The following NRXN3 variants were observed in gnomAD, a reference collection of about 807,000 sequenced individuals.
NRXN3 encodes neurexin 3.
A neutral mutation model predicts 137.6 loss-of-function variants in NRXN3; 32 were observed. The observed-to-expected ratio is 0.23, with a 90% CI of 0.18 to 0.31. The LOEUF (loss-of-function observed/expected upper bound fraction) is 0.31. Ranked by LOEUF, NRXN3 falls within the 10% of genes least tolerant of loss-of-function variation. The pLI, the probability that NRXN3 is intolerant of heterozygous loss-of-function variation, is 1.00. For missense variants in NRXN3, 1,574 were observed against 2,062.5 expected (o/e 0.76, Z 4.59); for synonymous variants, 798 against 784.5 (o/e 1.02, Z -0.29).
At chr14:79,340,663 C>A (rs1260004539) in intron 15 of NRXN3, among the ~76,000 whole-genome samples, 4 of 152,112 alleles carry the variant, frequency 2.6e-5, no homozygotes, top group Non-Finnish European at 5.9e-5. Flanking sequence ...CAGGTTTCTC[C>A]ATGTTTGTCA....
At chr14:79,519,523 A>G (rs115679918) in intron 16 of NRXN3, among the ~76,000 whole-genome samples, 1,870 of 152,106 alleles carry the variant, frequency 0.012, 32 homozygotes, top group African/African-American at 0.043. Context: ...TCTCCTGTCA[A>G]TATAAATATG....
At chr14:79,769,919 A>T (rs1170904941) in intron 19 of NRXN3, among the ~76,000 whole-genome samples, 1 of 152,182 alleles carries the variant, frequency 6.6e-6, no homozygotes, top group East Asian at 1.9e-4. Flanking sequence ...AAATAAAAGG[A>T]TGGAGGAAGA....
intron 4 of NRXN3, among the ~76,000 whole-genome samples, chr14:78,395,553 G>C (rs192148582): frequency 6.6e-6 from 1 of 151,924 alleles, no homozygotes; most frequent in African/African-American, 2.4e-5. Flanking sequence ...GTGTTACTGG[G>C]TTCTATCTCT....
At chr14:79,581,915 C>T (rs1333020912) in intron 16 of NRXN3, among the ~76,000 whole-genome samples, 1 of 152,142 alleles carries the variant, frequency 6.6e-6, no homozygotes, top group African/African-American at 2.4e-5. Flanking sequence ...GCACCCCTCT[C>T]AGGAAGTAAT....
Position 78,425,074 on chromosome 14 carries a change from A to C in NRXN3, c.757+127214A>C, listed in dbSNP as rs549448705. Among the ~76,000 whole-genome samples the C allele has an allele frequency of 2.0e-3, 300 of 152,314 alleles. 1 individual carries two copies. The highest frequency in any genetic ancestry group is 8.1e-3 in the South Asian group (39 of 4,828). On this transcript the variant is annotated intron_variant, in intron 4 of 20. Coordinates refer to ENST00000335750, the MANE Select transcript of NRXN3 (RefSeq NM_001330195.2). ...ACTACAGCCTCAGAAGTTTATAAGG[A>C]GTTTCATCTTGATAATTTGGTGGGA...
chr14:79,217,705 A>C (rs563887598), intron 15 of NRXN3, among the ~76,000 whole-genome samples: 3 of 152,266 alleles, frequency 2.0e-5, no homozygotes, highest in African/African-American at 7.2e-5. Context: ...CAAAACAAAA[A>C]AAACTCTGGT....
chr14:79,410,873 G>T (rs2196443), intron 15 of NRXN3, among the ~76,000 whole-genome samples: 103,449 of 151,798 alleles, frequency 0.68, 35,728 homozygotes, highest in Middle Eastern at 0.84. Context: ...CACCACTAGA[G>T]CCAAGATTTA....
At chr14:79,712,757 A>T in intron 19 of NRXN3, among the ~76,000 whole-genome samples, 1 of 152,118 alleles carries the variant, frequency 6.6e-6, no homozygotes, top group East Asian at 1.9e-4. Context: ...TCCCTTCTGG[A>T]GTCGTCTGAC....
chr14:78,898,914 T>A (rs2099186748), intron 10 of NRXN3, among the ~76,000 whole-genome samples: 1 of 151,930 alleles, frequency 6.6e-6, no homozygotes, highest in Non-Finnish European at 1.5e-5. Flanking sequence ...TTGTTAAAAA[T>A]TAGAATAGGT....
intron 16 of NRXN3, among the ~76,000 whole-genome samples, chr14:79,615,192 A>T (rs779020512): frequency 1.3e-5 from 2 of 152,176 alleles, no homozygotes; most frequent in Non-Finnish European, 2.9e-5. Flanking sequence ...CCTCTCAAGG[A>T]GCTTAGAGAA....
At chr14:79,346,788 A>T (rs192895503) in intron 15 of NRXN3, among the ~76,000 whole-genome samples, 52 of 152,222 alleles carry the variant, frequency 3.4e-4, no homozygotes, top group African/African-American at 1.2e-3. Flanking sequence ...ATTTAGCTTG[A>T]TTGCCCCATC....
rs80296330 is a variant in NRXN3 at position 78,217,216 on chromosome 14, A to G, written c.-703-25175A>G. Among the ~76,000 whole-genome samples, 1,203 of 152,338 alleles carry G rather than the reference A, an allele frequency of 7.9e-3. 16 individuals carry two copies. The highest frequency in any genetic ancestry group is 0.028 in the African/African-American group (1,151 of 41,572). ...ATAAATGTATGAGACTCAGAAAAAT[A>G]GCAAACCCTCGTATTTTTATCACTC... On this transcript the variant is annotated intron_variant, in intron 1 of 20. Transcript: ENST00000335750.
chr14:78,637,816 T>G (rs992790995), intron 4 of NRXN3, among the ~76,000 whole-genome samples: 5 of 152,252 alleles, frequency 3.3e-5, no homozygotes, highest in Non-Finnish European at 5.9e-5. Flanking sequence ...TTCTTTTTTT[T>G]GTAAAATGTC....
rs1443973380 is a variant in NRXN3 at position 79,625,431 on chromosome 14, C to CTCTATGGGGTGCTTA, written c.3445-38345_3445-38331dup. On this transcript the variant is annotated intron_variant, in intron 16 of 20. Transcript: ENST00000335750. ...AAAAAATACAAGAAAGAACAGACAT[C>CTCTATGGGGTGCTTA]TCTATGGGGTGCTTATTTCATTTCC... Among the ~76,000 whole-genome samples, 5 of 152,136 alleles carry CTCTATGGGGTGCTTA rather than the reference C, an allele frequency of 3.3e-5. No individual in the cohort carries two copies. In the East Asian group the frequency reaches 9.7e-4, roughly 29 times the overall value.
intron 4 of NRXN3, among the ~76,000 whole-genome samples, chr14:78,411,682 G>A (rs1377549235): frequency 1.3e-5 from 2 of 152,190 alleles, no homozygotes; most frequent in Non-Finnish European, 1.5e-5. Flanking sequence ...TGATGGGGAA[G>A]CCCCCTAAAT....
chr14:78,963,888 C>G (rs184394314), intron 11 of NRXN3, among the ~76,000 whole-genome samples: 27 of 152,230 alleles, frequency 1.8e-4, no homozygotes, highest in Admixed American at 1.7e-3. Context: ...ACCTTAGCCT[C>G]CTGAATAGTT....
At chr14:79,740,593 A>G (rs1403845901) in intron 19 of NRXN3, among the ~76,000 whole-genome samples, 1 of 150,474 alleles carries the variant, frequency 6.6e-6, no homozygotes, top group Non-Finnish European at 1.5e-5. Flanking sequence ...CACCCTGACA[A>G]TAGATACATC....
rs185611421 is a variant in NRXN3 at position 79,850,905 on chromosome 14, A to G, written c.4094-10437A>G. 3.5e-4 allele frequency among the ~76,000 whole-genome samples: 53 copies of G among 152,362 alleles called. No homozygotes were observed. The Middle Eastern group carries it at 0.014, about 39-fold the overall frequency. The stretch of plus-strand genomic sequence containing the variant: ...ATTATATTCAGGCTATGTTGGCTTC[A>G]TTTGAAACTACAGCTTCCATGGGTT... On this transcript the variant is annotated intron_variant, in intron 20 of 20. Transcript: ENST00000335750.
chr14:78,786,613 T>C (rs1164467752), intron 8 of NRXN3, among the ~76,000 whole-genome samples: 5 of 152,188 alleles, frequency 3.3e-5, no homozygotes, highest in Non-Finnish European at 7.4e-5. Context: ...CATTCCTTTG[T>C]GTTCTCATTC....
Sources: gnomAD v4.1 joint callset for allele counts (sites outside exome capture counted in the v4.1 genomes callset) on GRCh38, gnomAD v4.1.1 for gene constraint, MANE v1.5 for transcripts, NCBI Gene and HGNC (gene_info 2026-07-23, HGNC 2026-07-21) for gene names.